The following FAM118A variants were observed in gnomAD, a reference collection of about 807,000 sequenced individuals.
FAM118A encodes the protein SIR2 antiphage like 2.
A neutral mutation model predicts 38.2 loss-of-function variants in FAM118A; 25 were observed. The ratio of observed to expected loss-of-function variants is 0.65; its 90% CI spans 0.48 to 0.91. FAM118A has a LOEUF of 0.91. Among genes scored for constraint, FAM118A ranks in the 40% least tolerant of loss-of-function variants. The pLI is 0.00. For missense variants in FAM118A, 425 were observed against 463.3 expected, an observed-to-expected ratio of 0.92 and a Z score of 0.76; for synonymous variants, 178 against 184.1, an observed-to-expected ratio of 0.97 and a Z score of 0.27.
intron 6 of FAM118A, 150 bp from the exon 7 acceptor site, chr22:45,335,200 G>A (rs530777337): frequency 1.4e-5 from 10 of 739,478 alleles, no homozygotes; most frequent in Admixed American, 1.2e-4. Flanking sequence ...TGAGGGCAGC[G>A]AGCAGCGCAG....
At chr22:45,329,765 G>A (rs2085572923) in intron 4 of FAM118A, 1 of 152,248 alleles carries the variant, frequency 6.6e-6, no homozygotes, top group Non-Finnish European at 1.5e-5. Flanking sequence ...CCCCACTGCT[G>A]GGGCTTGCTG....
At chr22:45,320,400 C>A (rs1425520781) in intron 1 of FAM118A, among the ~76,000 whole-genome samples, 2 of 146,014 alleles carry the variant, frequency 1.4e-5, no homozygotes, top group African/African-American at 5.1e-5. Context: ...CAAACAAACA[C>A]GTAATTTTTC....
At chr22:45,322,995 C>T (rs942675364) in intron 2 of FAM118A, among the ~76,000 whole-genome samples, 180 bp from the exon 3 acceptor site, 4 of 151,630 alleles carry the variant, frequency 2.6e-5, no homozygotes, top group Non-Finnish European at 4.4e-5. Context: ...GAAATAAATA[C>T]GCAAAGAAGG....
chr22:45,320,053 G>C (rs916506771), intron 1 of FAM118A, among the ~76,000 whole-genome samples: 2 of 152,160 alleles, frequency 1.3e-5, no homozygotes, highest in East Asian at 1.9e-4. Flanking sequence ...TTAGCTCTGC[G>C]ATCTAATGAT....
chr22:45,327,519 T>G (rs1388897079), intron 3 of FAM118A, among the ~76,000 whole-genome samples: 1 of 152,154 alleles, frequency 6.6e-6, no homozygotes, highest in Non-Finnish European at 1.5e-5. Context: ...GCTTAGAACA[T>G]TCTCCACGAG....
chr22:45,337,173 A>AC (rs1307303162), intron 8 of FAM118A, among the ~76,000 whole-genome samples: 28 of 151,822 alleles, frequency 1.8e-4, no homozygotes, highest in Middle Eastern at 3.4e-3. Context: ...TGCGTATCCC[A>AC]CCCCCTAGCC....
rs114233346 is a variant in FAM118A, at chr22:45,335,423, A to G, written c.970+41A>G. On this transcript the variant is annotated intron_variant, in intron 7 of 8. Coordinates refer to ENST00000441876, the MANE Select transcript of FAM118A (RefSeq NM_017911.4). Reference sequence around the variant, plus strand: ...CTTCTTGCCAGCCTGTTTTTTGCCTACACATTCCATTGTCTTCTGTCACTA... The same window carrying G: ...CTTCTTGCCAGCCTGTTTTTTGCCTGCACATTCCATTGTCTTCTGTCACTA... 4.5e-4 allele frequency: 720 copies of G among 1,610,912 alleles called. 5 individuals carry two copies. In the African/African-American group the frequency reaches 8.1e-3, roughly 18 times the overall value.
intron 6 of FAM118A, 43 bp downstream of exon 6, chr22:45,332,753 T>TTC: frequency 6.9e-7 from 1 of 1,447,548 alleles, no homozygotes; most frequent in African/African-American, 1.4e-5. Context: ...TCTTTTTTCT[T>TTC]TTTTTTTTTT....
At chr22:45,322,818 C>A (rs1266526417) in intron 2 of FAM118A, among the ~76,000 whole-genome samples, 1 of 152,150 alleles carries the variant, frequency 6.6e-6, no homozygotes, top group African/African-American at 2.4e-5. Flanking sequence ...CTGTCTTATC[C>A]GTCACTGCAA....
chr22:45,310,674 G>A (rs1046277114), intron 1 of FAM118A, among the ~76,000 whole-genome samples: 6 of 152,160 alleles, frequency 3.9e-5, no homozygotes, highest in African/African-American at 1.2e-4. Context: ...TCCCAGGTCT[G>A]GTGATAACTT....
At chr22:45,328,593 C>G in intron 4 of FAM118A, 1 of 639,694 alleles carries the variant, frequency 1.6e-6, no homozygotes, top group Non-Finnish European at 2.8e-6. Flanking sequence ...GATCATGCCA[C>G]TTATTCCAGC....
At chr22:45,340,012 G>A (rs1212660440) in intron 8 of FAM118A, among the ~76,000 whole-genome samples, 2 of 152,216 alleles carry the variant, frequency 1.3e-5, no homozygotes, top group African/African-American at 4.8e-5. Flanking sequence ...GGTGAGAGAA[G>A]CCAAGCCTGG....
intron 6 of FAM118A, among the ~76,000 whole-genome samples, chr22:45,334,068 T>G (rs1352571609): frequency 6.6e-6 from 1 of 152,162 alleles, no homozygotes; most frequent in Non-Finnish European, 1.5e-5. Context: ...CATGAACACT[T>G]TACTTCTTTT....
At chr22:45,336,033 G>A (rs925582535) in intron 7 of FAM118A, among the ~76,000 whole-genome samples, 14 of 152,358 alleles carry the variant, frequency 9.2e-5, no homozygotes, top group African/African-American at 3.4e-4. Flanking sequence ...CGATGTGGGA[G>A]CTGCTCGCCT....
intron 1 of FAM118A, chr22:45,322,138 C>A: frequency 6.9e-7 from 1 of 1,443,948 alleles, no homozygotes. Context: ...TGTGCTGTCC[C>A]GTGTAGAACA....
intron 3 of FAM118A, among the ~76,000 whole-genome samples, chr22:45,323,988 G>T (rs1333137481): frequency 1.3e-5 from 2 of 152,236 alleles, no homozygotes; most frequent in African/African-American, 2.4e-5. Flanking sequence ...CGTCAGCTAT[G>T]GCGTGTGGCC....
intron 6 of FAM118A, among the ~76,000 whole-genome samples, chr22:45,333,217 T>C (rs1487349866): frequency 6.6e-6 from 1 of 152,216 alleles, no homozygotes; most frequent in Non-Finnish European, 1.5e-5. Flanking sequence ...AGTGACAGTC[T>C]GTAACTAGAA....
At chr22:45,337,297 T>C (rs2086175135) in intron 8 of FAM118A, among the ~76,000 whole-genome samples, 1 of 152,356 alleles carries the variant, frequency 6.6e-6, no homozygotes, top group Non-Finnish European at 1.5e-5. Context: ...ATTTCCGTGA[T>C]GAAAACAGCG....
At chr22:45,328,559 G>C in intron 4 of FAM118A, 2 of 700,216 alleles carry the variant, frequency 2.9e-6, no homozygotes, top group Non-Finnish European at 5.2e-6. Flanking sequence ...TTGAGCCCAG[G>C]AGTTCCAGAC....
Sources: gnomAD v4.1 joint callset for allele counts (sites outside exome capture counted in the v4.1 genomes callset) on GRCh38, gnomAD v4.1.1 for gene constraint, MANE v1.5 for transcripts, NCBI Gene and HGNC (gene_info 2026-07-23, HGNC 2026-07-21) for gene names.